The following IL17RB variants were observed in gnomAD, a reference collection of about 807,000 sequenced individuals.
IL17RB encodes the protein interleukin-17 receptor B.
IL17RB carries 36 observed loss-of-function variants against 43.9 expected under a neutral mutation model. The ratio of observed to expected loss-of-function variants is 0.82; its 90% CI spans 0.63 to 1.08. The LOEUF is 1.08. Among genes scored for constraint, IL17RB ranks in the 50% least tolerant of loss-of-function variants. The pLI, the probability that IL17RB is intolerant of heterozygous loss-of-function variation, is 0.00. For missense variants in IL17RB, 613 were observed against 613.6 expected, an observed-to-expected ratio of 1.00 and a Z score of 0.01; for synonymous variants, 225 against 225.4, an observed-to-expected ratio of 1.00 and a Z score of 0.02.
intron 1 of IL17RB, 127 bp downstream of exon 1, chr3:53,846,775 G>C: frequency 1.1e-6 from 1 of 940,308 alleles, no homozygotes; most frequent in African/African-American, 1.7e-5. Flanking sequence ...GGGCATGCCT[G>C]CACCCTCAGG....
intron 6 of IL17RB, among the ~76,000 whole-genome samples, chr3:53,855,889 C>A (rs1445421019): frequency 6.6e-6 from 1 of 152,116 alleles, no homozygotes; most frequent in Non-Finnish European, 1.5e-5. Flanking sequence ...TTGTAGTAAT[C>A]CCCTTTAGGA....
intron 4 of IL17RB, among the ~76,000 whole-genome samples, chr3:53,852,431 G>A (rs897140486): frequency 3.9e-5 from 6 of 152,182 alleles, no homozygotes; most frequent in Admixed American, 1.3e-4. Flanking sequence ...CACTGTATCC[G>A]GGCATAGACA....
At chr3:53,853,102 C>G in intron 5 of IL17RB, 105 bp downstream of exon 5, 1 of 1,328,678 alleles carries the variant, frequency 7.5e-7, no homozygotes, top group Non-Finnish European at 1.1e-6. Context: ...TTTGGCCTTG[C>G]TAAATCTCAG....
In IL17RB at chr3:53,864,532, C is replaced by T. The variant is rs111577002; in HGVS notation, c.947-214C>T. Among the ~76,000 whole-genome samples the T allele has an allele frequency of 2.9e-3, 441 of 150,730 alleles. 1 individual carries two copies. Among genetic ancestry groups the T allele is most frequent in the African/African-American group, 0.01 (414 of 41,080 alleles). Reference sequence around the variant, plus strand: ...CCTGGGCGACAGAGTGAGACTATGTCTCCAAAAAAAAAAAAGTTAAGGTTT... The same window carrying T: ...CCTGGGCGACAGAGTGAGACTATGTTTCCAAAAAAAAAAAAGTTAAGGTTT... On this transcript the variant is annotated intron_variant, in intron 10 of 10. Coordinates refer to ENST00000288167, the MANE Select transcript of IL17RB (RefSeq NM_018725.4).
intron 10 of IL17RB, among the ~76,000 whole-genome samples, chr3:53,862,652 T>G (rs4687754): frequency 0.07 from 10,628 of 152,208 alleles, 585 homozygotes; most frequent in Middle Eastern, 0.15. Flanking sequence ...TGCTTCCCCA[T>G]CAGTGTGAGG....
chr3:53,850,000 A>C (rs1426532639), intron 3 of IL17RB, among the ~76,000 whole-genome samples: 1 of 152,274 alleles, frequency 6.6e-6, no homozygotes, highest in Non-Finnish European at 1.5e-5. Flanking sequence ...AACAGTAGAA[A>C]GGAATCACCA....
intron 3 of IL17RB, 69 bp from the exon 4 acceptor site, chr3:53,851,930 G>T: frequency 6.7e-7 from 1 of 1,498,326 alleles, no homozygotes; most frequent in Non-Finnish European, 9.3e-7. Flanking sequence ...TGCTAGTAAA[G>T]CATCTAGCAT....
intron 6 of IL17RB, 33 bp from the exon 7 acceptor site, chr3:53,856,811 A>G: frequency 6.2e-7 from 1 of 1,612,842 alleles, no homozygotes; most frequent in Non-Finnish European, 8.5e-7. Context: ...AGAGTTAGCA[A>G]GTTCATCTAC....
At chr3:53,849,309 A>T (rs1699047159) in intron 2 of IL17RB, among the ~76,000 whole-genome samples, 1 of 152,204 alleles carries the variant, frequency 6.6e-6, no homozygotes, top group South Asian at 2.1e-4. Context: ...GGTTGAGAGT[A>T]CTTCTGTTAG....
intron 3 of IL17RB, among the ~76,000 whole-genome samples, chr3:53,850,956 G>A (rs1294558408): frequency 2.6e-5 from 4 of 152,206 alleles, no homozygotes; most frequent in Non-Finnish European, 5.9e-5. Context: ...GTACACTTAT[G>A]TGTGTACTTT....
Position 53,846,574 on chromosome 3 carries a change from C to G in IL17RB, c.-15C>G. On this transcript the variant is annotated 5_prime_UTR_variant, in exon 1 of 11. Transcript: ENST00000288167. ...CAGCGTGCGGGTGGCCTGGATCCCGCGCAGTGGCCCGGCGATGTCGCTCGT... is the reference window on the plus strand; with the variant it reads ...CAGCGTGCGGGTGGCCTGGATCCCGGGCAGTGGCCCGGCGATGTCGCTCGT... The G allele has an allele frequency of 1.3e-6, 2 of 1,569,244 alleles. No individual in the cohort carries two copies. Among genetic ancestry groups the G allele is most frequent in the African/African-American group, 2.8e-5 (2 of 72,556 alleles).
At position 53,850,426 on chromosome 3, in the gene IL17RB, G is replaced by T. The variant is rs148077343; in HGVS notation, c.226+631G>T. ...GCACGAGAATCGCTTGAACCCAGGA[G>T]GCGGAGCTTGCAGTGAGCTGTGATC... On this transcript the variant is annotated intron_variant, in intron 3 of 10. Coordinates refer to ENST00000288167, the MANE Select transcript of IL17RB (RefSeq NM_018725.4). Among the ~76,000 whole-genome samples, 1,086 of 151,880 alleles carry T rather than the reference G, an allele frequency of 7.2e-3. 14 individuals carry two copies. The highest frequency in any genetic ancestry group is 0.025 in the African/African-American group (1,030 of 41,380).
chr3:53,856,729 T>C (rs1699346652), intron 6 of IL17RB, 115 bp from the exon 7 acceptor site: 1 of 962,996 alleles, frequency 1.0e-6, no homozygotes, highest in Non-Finnish European at 1.6e-6. Context: ...GCAGCGTCCC[T>C]ATCTCTTGGA....
chr3:53,850,224 C>T (rs940437215), intron 3 of IL17RB, among the ~76,000 whole-genome samples: 14 of 152,294 alleles, frequency 9.2e-5, no homozygotes, highest in Admixed American at 2.6e-4. Context: ...TAGCCAGGAG[C>T]GGTGGCTAAC....
intron 8 of IL17RB, chr3:53,858,429 C>T (rs1699429440): frequency 8.6e-7 from 1 of 1,163,602 alleles, no homozygotes; most frequent in Non-Finnish European, 1.1e-6. Context: ...AAATGTTTGT[C>T]TACGTGGTAA....
intron 4 of IL17RB, 140 bp downstream of exon 4, chr3:53,852,266 C>T (rs1699179051): frequency 3.8e-6 from 3 of 788,228 alleles, no homozygotes; most frequent in Admixed American, 4.7e-5. Context: ...TTCAGCCTCC[C>T]AAGCAGCTGG....
At chr3:53,862,907 G>A (rs1279569178) in intron 10 of IL17RB, among the ~76,000 whole-genome samples, 1 of 152,094 alleles carries the variant, frequency 6.6e-6, no homozygotes, top group African/African-American at 2.4e-5. Context: ...GTTACACTGA[G>A]GCGCCCACCT....
chr3:53,856,715 T>C (rs939461606), intron 6 of IL17RB, 129 bp from the exon 7 acceptor site: 6 of 830,262 alleles, frequency 7.2e-6, no homozygotes, highest in Admixed American at 2.2e-5. Context: ...AAGTTCACTA[T>C]GTAGCAGCGT....
At chr3:53,856,416 G>C (rs1179015877) in intron 6 of IL17RB, among the ~76,000 whole-genome samples, 2 of 152,158 alleles carry the variant, frequency 1.3e-5, no homozygotes, top group Non-Finnish European at 2.9e-5. Flanking sequence ...GAAGCTCCTG[G>C]AACACAAAAT....
Sources: gnomAD v4.1 joint callset for allele counts (sites outside exome capture counted in the v4.1 genomes callset) on GRCh38, gnomAD v4.1.1 for gene constraint, MANE v1.5 for transcripts, NCBI Gene and HGNC (gene_info 2026-07-23, HGNC 2026-07-21) for gene names.